Variants in RNF150 observed in about 807,000 individuals in gnomAD.
RNF150 encodes ring finger protein 150.
A neutral mutation model predicts 39.3 loss-of-function variants in RNF150; 24 were observed. That is an observed-to-expected ratio of 0.61 (90% confidence interval 0.44 to 0.86). The LOEUF is 0.86. Ranked by LOEUF, RNF150 falls within the 40% of genes least tolerant of loss-of-function variation. RNF150 has a pLI of 0.00. For synonymous variants in RNF150, 255 were observed against 227.3 expected, an observed-to-expected ratio of 1.12 and a Z score of -1.10; for missense variants, 502 against 587.8, an observed-to-expected ratio of 0.85 and a Z score of 1.51.
chr4:141,162,083 A>G (rs974447921), intron 1 of RNF150, among the ~76,000 whole-genome samples: 6 of 152,166 alleles, frequency 3.9e-5, no homozygotes, highest in Non-Finnish European at 7.4e-5. Context: ...AGCCCTTGAC[A>G]GTTTGCACCA....
intron 1 of RNF150, among the ~76,000 whole-genome samples, chr4:141,087,242 T>G (rs1240689896): frequency 6.6e-6 from 1 of 152,198 alleles, no homozygotes; most frequent in Non-Finnish European, 1.5e-5. Context: ...CAGTATTTAG[T>G]TTTCTGTTCC....
At chr4:141,173,570 C>A (rs907833232) in intron 1 of RNF150, among the ~76,000 whole-genome samples, 5 of 152,104 alleles carry the variant, frequency 3.3e-5, no homozygotes, top group Admixed American at 6.6e-5. Context: ...GGCTCTATTG[C>A]CAGTGCCTAA....
intron 6 of RNF150, among the ~76,000 whole-genome samples, chr4:140,882,169 G>A (rs915670821): frequency 2.6e-5 from 4 of 151,920 alleles, no homozygotes; most frequent in Admixed American, 6.6e-5. Context: ...ACAGGCACCC[G>A]CCACTACGCC....
chr4:141,169,669 C>T (rs1727666043), intron 1 of RNF150, among the ~76,000 whole-genome samples: 1 of 152,108 alleles, frequency 6.6e-6, no homozygotes, highest in Admixed American at 6.6e-5. Flanking sequence ...GAGTTCACTT[C>T]AAGTTATTTT....
chr4:140,985,438 T>C (rs911026682), intron 1 of RNF150, among the ~76,000 whole-genome samples: 7 of 152,114 alleles, frequency 4.6e-5, no homozygotes, highest in Non-Finnish European at 8.8e-5. Context: ...TTTGGGTATT[T>C]TGGGTATTAA....
chr4:141,190,932 A>G (rs191765770), intron 1 of RNF150, among the ~76,000 whole-genome samples: 152 of 152,278 alleles, frequency 1.0e-3, no homozygotes, highest in African/African-American at 3.4e-3. Context: ...GTCCCTTCCT[A>G]TTTTAAACCT....
chr4:141,081,851 G>A (rs1004083237), intron 1 of RNF150, among the ~76,000 whole-genome samples: 2 of 152,104 alleles, frequency 1.3e-5, no homozygotes, highest in African/African-American at 2.4e-5. Context: ...CAATATCAAC[G>A]GAATAGAAAA....
At chr4:141,063,585 A>T (rs1177760872) in intron 1 of RNF150, among the ~76,000 whole-genome samples, 1 of 152,178 alleles carries the variant, frequency 6.6e-6, no homozygotes. Flanking sequence ...ACATTGTGCC[A>T]CCTTACATTT....
intron 1 of RNF150, among the ~76,000 whole-genome samples, chr4:140,972,029 C>A (rs200098097): frequency 1.5e-4 from 22 of 145,044 alleles, no homozygotes; most frequent in African/African-American, 5.5e-4. Flanking sequence ...ACTTAGGTGA[C>A]AAAAAAAAAA....
At chr4:141,071,635 C>A (rs930887614) in intron 1 of RNF150, among the ~76,000 whole-genome samples, 13 of 152,080 alleles carry the variant, frequency 8.5e-5, no homozygotes, top group African/African-American at 3.1e-4. Flanking sequence ...AGTGTGATTA[C>A]ATTCTCCAAT....
intron 4 of RNF150, among the ~76,000 whole-genome samples, chr4:140,927,319 G>T (rs1353212341): frequency 6.6e-6 from 1 of 152,138 alleles, no homozygotes; most frequent in African/African-American, 2.4e-5. Flanking sequence ...TATGGTTTGG[G>T]TCTGTGTCCC....
At chr4:141,032,024 A>G (rs368025937) in intron 1 of RNF150, among the ~76,000 whole-genome samples, 1 of 151,924 alleles carries the variant, frequency 6.6e-6, no homozygotes, top group Non-Finnish European at 1.5e-5. Flanking sequence ...ATATGTATAT[A>G]TATACACACA....
At chr4:141,144,614 A>C (rs760552078) in intron 1 of RNF150, among the ~76,000 whole-genome samples, 2 of 152,266 alleles carry the variant, frequency 1.3e-5, no homozygotes, top group Non-Finnish European at 2.9e-5. Flanking sequence ...AGACTTCAGA[A>C]ACTTTAGGAA....
At chr4:140,930,174 C>T (rs944641559) in intron 4 of RNF150, among the ~76,000 whole-genome samples, 1 of 152,068 alleles carries the variant, frequency 6.6e-6, no homozygotes, top group Non-Finnish European at 1.5e-5. Flanking sequence ...ACCAACCAAC[C>T]AACCCACCAA....
chr4:141,184,892 T>TGTGTGTGA (rs1727973766), intron 1 of RNF150, among the ~76,000 whole-genome samples: 1 of 151,588 alleles, frequency 6.6e-6, no homozygotes, highest in Non-Finnish European at 1.5e-5. Flanking sequence ...TGTGTGTGTG[T>TGTGTGTGA]GAGTTTATCA....
chr4:140,914,807 G>T lies in RNF150; in HGVS notation c.988-3453C>A, dbSNP rs991902658. Among the ~76,000 whole-genome samples the T allele has an allele frequency of 2.6e-5, 4 of 152,152 alleles. 1 individual carries two copies. Among genetic ancestry groups the T allele is most frequent in the South Asian group, 4.2e-4 (2 of 4,816 alleles). ...TGGAAAATGATACCTATTGTTATGG[G>T]AATTTCATAATCAGTGAACTGTGCT... On this transcript the variant is annotated intron_variant, in intron 5 of 6. Coordinates refer to ENST00000515673, the MANE Select transcript of RNF150 (RefSeq NM_020724.2).
chr4:141,134,514 A>G (rs373041993), upstream of RNF150, among the ~76,000 whole-genome samples: 198 of 152,288 alleles, frequency 1.3e-3, 1 homozygote, highest in African/African-American at 4.5e-3. Flanking sequence ...GCATGTTTAC[A>G]GCTCTTCGTT....
intron 1 of RNF150, among the ~76,000 whole-genome samples, chr4:141,085,933 G>A (rs1419471207): frequency 1.3e-5 from 2 of 151,922 alleles, no homozygotes; most frequent in African/African-American, 2.4e-5. Context: ...GGGAGGAGAT[G>A]AAAGAGAAGG....
Position 140,861,531 on chromosome 4 carries a change from C to T in RNF150, c.*6730G>A, listed in dbSNP as rs1036717894. ...AATTAATCTGCTGCAAGAATAATTG[C>T]GATTACTCCAGCAGAGGGCACTCTG... On this transcript the variant is annotated 3_prime_UTR_variant, in exon 7 of 7. Transcript: ENST00000515673. 2 of 152,138 alleles carry T rather than the reference C, an allele frequency of 1.3e-5. No individual in the cohort carries two copies. The highest frequency in any genetic ancestry group is 2.1e-4 in the South Asian group (1 of 4,832). The allele number at this position is 152,138 out of a possible 1,614,324, so 9.4% of individuals were successfully genotyped here.
Sources: gnomAD v4.1 joint callset for allele counts (sites outside exome capture counted in the v4.1 genomes callset) on GRCh38, gnomAD v4.1.1 for gene constraint, MANE v1.5 for transcripts, NCBI Gene and HGNC (gene_info 2026-07-23, HGNC 2026-07-21) for gene names.